Variants in CYTH2 observed in about 807,000 individuals in gnomAD.
CYTH2 encodes the protein cytohesin-2.
In CYTH2, 24 loss-of-function variants were observed where a neutral mutation model predicts 55.4. The observed-to-expected ratio is 0.43, with a 90% confidence interval of 0.31 to 0.61. CYTH2 has a LOEUF of 0.61. Ranked by LOEUF, CYTH2 falls within the 20% of genes least tolerant of loss-of-function variation. CYTH2 has a pLI of 0.08. For synonymous variants in CYTH2, 221 were observed against 209.6 expected (o/e 1.05, Z -0.47); for missense variants, 378 against 533.5 (o/e 0.71, Z 2.87).
intron 1 of CYTH2, chr19:48,470,056 G>A: frequency 1.6e-6 from 1 of 628,472 alleles, no homozygotes; most frequent in South Asian, 1.5e-5. Flanking sequence ...AATGGACCTA[G>A]AAGCCGAGGC....
chr19:48,479,069 G>A (rs1971999952), intron 11 of CYTH2, 54 bp from the exon 12 acceptor site: 1 of 1,577,534 alleles, frequency 6.3e-7, no homozygotes, highest in South Asian at 1.1e-5. Flanking sequence ...AGGGAGGAGG[G>A]GCTGGAGGCC....
At chr19:48,470,225 C>A in intron 1 of CYTH2, 128 bp from the exon 2 acceptor site, 1 of 1,348,840 alleles carries the variant, frequency 7.4e-7, no homozygotes, top group Non-Finnish European at 1.0e-6. Context: ...AGGCCCCCAG[C>A]CCATTCTTCT....
chr19:48,471,166 T>TTGTGTGTGTGTGTGTGTGTG (rs372484993), intron 3 of CYTH2, among the ~76,000 whole-genome samples: 2,113 of 150,626 alleles, frequency 0.014, 56 homozygotes, highest in African/African-American at 0.049. Context: ...CACCTACTCT[T>TTGTGTGTGTGTGTGTGTGTG]TGTGTGTGTG....
At chr19:48,470,063 A>G in intron 1 of CYTH2, 1 of 640,648 alleles carries the variant, frequency 1.6e-6, no homozygotes, top group Non-Finnish European at 3.0e-6. Flanking sequence ...CTAGAAGCCG[A>G]GGCCCCCAGC....
chr19:48,473,195 C>A, intron 4 of CYTH2, 103 bp from the exon 5 acceptor site: 2 of 1,269,306 alleles, frequency 1.6e-6, no homozygotes, highest in Non-Finnish European at 2.3e-6. Context: ...CAGTGGGCAG[C>A]TGTGGTGCAG....
At chr19:48,473,696 T>G in intron 5 of CYTH2, 1 of 601,570 alleles carries the variant, frequency 1.7e-6, no homozygotes, top group Non-Finnish European at 2.9e-6. Flanking sequence ...TCTAGCGAAC[T>G]TAGCAGAAAG....
chr19:48,472,174 G>T, intron 3 of CYTH2, 151 bp from the exon 4 acceptor site: 1 of 658,730 alleles, frequency 1.5e-6, no homozygotes, highest in Non-Finnish European at 2.7e-6. Flanking sequence ...GAGTTGGGAA[G>T]AATGCTATTT....
intron 8 of CYTH2, chr19:48,477,619 C>T (rs1971941564): frequency 5.6e-6 from 1 of 177,270 alleles, no homozygotes; most frequent in African/African-American, 2.4e-5. Context: ...CCTGTGCCCA[C>T]CCTGTTTCTG....
chr19:48,475,856 C>A, intron 8 of CYTH2: 1 of 272,736 alleles, frequency 3.7e-6, no homozygotes, highest in Admixed American at 5.0e-5. Context: ...GTAGGTGCCA[C>A]CTGCGTGTTA....
chr19:48,478,664 CAGGGGCCTGGATGCCTGGGTCTGAT>C (rs1569093062), intron 11 of CYTH2, 72 bp downstream of exon 11: 7 of 1,265,896 alleles, frequency 5.5e-6, no homozygotes, highest in Admixed American at 2.7e-5. Flanking sequence ...GGAGGAGGGG[CAGGGGCCTGGATGCCTGGGTCTGAT>C]GGAGGAGGGG....
Position 48,469,373 on chromosome 19 carries a change from C to A in CYTH2, c.-135C>A. The stretch of plus-strand genomic sequence containing the variant: ...GACGAAGGGAAGAGTCTTTTCAGCG[C>A]TGAGGACTGGCGCTGAGGAGGCGGC... On this transcript the variant is annotated 5_prime_UTR_variant, in exon 1 of 12. In the 5' UTR this introduces an upstream ATG that the reference lacks. Transcript: ENST00000452733. 1 of 1,041,538 alleles carries A rather than the reference C, an allele frequency of 9.6e-7. No homozygotes were observed. The highest frequency in any genetic ancestry group is 1.3e-6 in the Non-Finnish European group (1 of 796,916). 64.5% of individuals were successfully genotyped at this position (1,041,538 alleles called of 1,614,324 possible).
intron 1 of CYTH2, chr19:48,469,753 G>A (rs978973436): frequency 3.3e-5 from 24 of 717,180 alleles, no homozygotes; most frequent in Non-Finnish European, 5.1e-5. Flanking sequence ...GCGGCGGGAG[G>A]GGCGGGATGG....
chr19:48,470,008 T>A (rs199567802), intron 1 of CYTH2: 68 of 571,346 alleles, frequency 1.2e-4, no homozygotes, highest in Non-Finnish European at 2.2e-4. Flanking sequence ...TCGCCAGTAA[T>A]GGAGTCAGAA....
chr19:48,473,160 G>A, intron 4 of CYTH2, 138 bp from the exon 5 acceptor site: 1 of 860,092 alleles, frequency 1.2e-6, no homozygotes, highest in Admixed American at 2.1e-5. Flanking sequence ...CTGTGTGGGA[G>A]TCCAGCAGGA....
chr19:48,473,709 G>A, intron 5 of CYTH2, 196 bp from the exon 6 acceptor site: 1 of 605,556 alleles, frequency 1.7e-6, no homozygotes. Context: ...GCAGAAAGAG[G>A]CTATTTCTGT....
Position 48,474,261 on chromosome 19 carries a change from C to A in CYTH2, c.627C>A (p.Gly209=), listed in dbSNP as rs771078990. 1 of 1,613,632 alleles carries A rather than the reference C, an allele frequency of 6.2e-7. No individual in the cohort carries two copies. Among genetic ancestry groups the A allele is most frequent in the Non-Finnish European group, 8.5e-7 (1 of 1,179,794 alleles). ...ATCCCAATGTCCGGGACAAGCCGGG[C>A]CTGGAGCGCTTTGTGGCCATGAACC... ...LHNPNVRDKP[G]LERFVAMNRG... The change falls in exon 7 of 12, where the codon GGC becomes GGA. Residue 209 remains glycine (G), a synonymous_variant. Transcript: ENST00000452733. This position sits in a 1 kb window ranked among gnomAD's most constrained non-coding sequence, Gnocchi z 4.9.
Position 48,470,517 on chromosome 19 carries a change from A to T in CYTH2, c.167+17A>T. ...TGAGGGCAGGTGAGGGCTGGGGCGG[A>T]TGACCTAGGGGGCGTGGGGTTGGCT... On this transcript the variant is annotated intron_variant, in intron 2 of 11. Transcript: ENST00000452733. 1 of 1,613,560 alleles carries T rather than the reference A, an allele frequency of 6.2e-7. No homozygotes were observed. The highest frequency in any genetic ancestry group is 8.5e-7 in the Non-Finnish European group (1 of 1,179,598).
In CYTH2 at chr19:48,474,246, C is replaced by T. The variant is rs1971863638; in HGVS notation, c.612C>T (p.Val204=). ...ACACCAGTCTCCACAATCCCAATGT[C>T]CGGGACAAGCCGGGCCTGGAGCGCT... The part of the protein sequence containing the change: ...MLNTSLHNPN[V]RDKPGLERFV... The change falls in exon 7 of 12, where the codon GTC becomes GTT. Residue 204 remains valine (V), a synonymous_variant. Coordinates refer to ENST00000452733, the MANE Select transcript of CYTH2 (RefSeq NM_004228.7). The surrounding 1 kb of genome is among the most constrained non-coding windows in gnomAD (Gnocchi z 4.9). 1 of 1,613,400 alleles carries T rather than the reference C, an allele frequency of 6.2e-7. No homozygotes were observed. Among genetic ancestry groups the T allele is most frequent in the African/African-American group, 1.3e-5 (1 of 74,888 alleles).
intron 4 of CYTH2, 146 bp from the exon 5 acceptor site, chr19:48,473,152 G>T: frequency 1.2e-6 from 1 of 801,320 alleles, no homozygotes; most frequent in Non-Finnish European, 2.1e-6. Flanking sequence ...GGGCAGGCCT[G>T]TGTGGGAGTC....
Sources: allele counts gnomAD v4.1 joint callset (sites outside exome capture counted in the v4.1 genomes callset), GRCh38; gene constraint gnomAD v4.1.1; non-coding constraint Gnocchi (gnomAD v3.1); transcripts MANE v1.5; gene names NCBI Gene and HGNC (gene_info 2026-07-23, HGNC 2026-07-21).